The following TMEM255A variants were observed in gnomAD, a reference collection of about 807,000 sequenced individuals.
TMEM255A encodes the protein family with sequence similarity 70, member A.
TMEM255A carries 14 observed loss-of-function variants against 23.5 expected under a neutral mutation model. The observed-to-expected ratio is 0.60, with a 90% confidence interval of 0.39 to 0.93. The LOEUF is 0.93. TMEM255A is among the 40% of genes least tolerant of loss of function. The pLI is 0.00. For missense variants in TMEM255A, 233 were observed against 261.7 expected (o/e 0.89, Z 0.76); for synonymous variants, 104 against 100.3 (o/e 1.04, Z -0.22).
At chrX:120,277,187 A>C in intron 6 of TMEM255A, 140 bp from the exon 7 acceptor site, 1 of 457,971 alleles carries the variant, frequency 2.2e-6, no homozygotes, top group Non-Finnish European at 3.7e-6. Context: ...AGTAAGAGAC[A>C]TCATAGCCAT....
At chrX:120,304,108 G>A (rs2058049074) in intron 2 of TMEM255A, among the ~76,000 whole-genome samples, 1 of 111,622 alleles carries the variant, frequency 9.0e-6, no homozygotes, top group Non-Finnish European at 1.9e-5. Flanking sequence ...GTATTAAAGA[G>A]TGAGATGACT....
intron 7 of TMEM255A, among the ~76,000 whole-genome samples, chrX:120,269,210 G>A (rs188083694): frequency 9.0e-6 from 1 of 110,873 alleles, no homozygotes; most frequent in East Asian, 2.8e-4. Flanking sequence ...AGCCCTTCAA[G>A]GGTTAAAGCT....
intron 1 of TMEM255A, among the ~76,000 whole-genome samples, chrX:120,306,101 G>A (rs183801444): frequency 9.0e-6 from 1 of 111,697 alleles, no homozygotes; most frequent in Admixed American, 9.5e-5. Flanking sequence ...AGAAGAGTTG[G>A]CAAATGAGAC....
chrX:120,309,617 C>G, intron 1 of TMEM255A, among the ~76,000 whole-genome samples: 1 of 112,890 alleles, frequency 8.9e-6, no homozygotes, highest in East Asian at 2.8e-4. Context: ...GTCGGGGAGC[C>G]AGGGCTGCGT....
chrX:120,263,463 C>T (rs2057693910), intron 8 of TMEM255A, among the ~76,000 whole-genome samples: 1 of 111,830 alleles, frequency 8.9e-6, no homozygotes, highest in Non-Finnish European at 1.9e-5. Context: ...TGGCTTTCCT[C>T]TTCCACCTTA....
intron 6 of TMEM255A, 54 bp downstream of exon 6, chrX:120,285,073 C>T (rs1352384168): frequency 2.0e-6 from 2 of 1,023,768 alleles, no homozygotes; most frequent in Non-Finnish European, 2.8e-6. Context: ...CTCAGCCCTT[C>T]TAGTGTCCGT....
chrX:120,278,419 A>T (rs5956198), intron 6 of TMEM255A, among the ~76,000 whole-genome samples: 10,955 of 112,184 alleles, frequency 0.098, 1,313 homozygotes, highest in African/African-American at 0.34. Context: ...TATGAAAATA[A>T]CTTACTGATG....
chrX:120,285,319 G>T (rs889653283), intron 5 of TMEM255A, 104 bp from the exon 6 acceptor site: 1 of 759,538 alleles, frequency 1.3e-6, no homozygotes, highest in Non-Finnish European at 2.0e-6. Flanking sequence ...AGTAAGGATG[G>T]CTTTGAAATG....
intron 8 of TMEM255A, among the ~76,000 whole-genome samples, 162 bp downstream of exon 8, chrX:120,268,082 C>T (rs782074207): frequency 9.0e-6 from 1 of 111,674 alleles, no homozygotes; most frequent in East Asian, 2.8e-4. Context: ...CTACATAGTC[C>T]TTAAGCTGGC....
intron 8 of TMEM255A, among the ~76,000 whole-genome samples, chrX:120,265,242 A>G (rs11260237): frequency 0.36 from 40,249 of 111,127 alleles, 5,603 homozygotes; most frequent in East Asian, 0.56. Flanking sequence ...TTGGTGAGCA[A>G]AAGAAAGCTA....
chrX:120,268,536 T>C lies in TMEM255A; in HGVS notation c.676-149A>G, dbSNP rs1395568145. ...TTTAGAGAAGGTTGTCCAGGATATA[T>C]TTTTATGTTTTAAAAGCCATTATGT... On this transcript the variant is annotated intron_variant, in intron 7 of 8. Transcript: ENST00000371369. 7.5e-6 allele frequency: 3 copies of C among 400,764 alleles called. No homozygotes were observed. In the African/African-American group the frequency reaches 7.8e-5, roughly 10 times the overall value. 33.0% of individuals were successfully genotyped at this position (400,764 alleles called of 1,213,427 possible). A position where few individuals can be genotyped will look rare whatever the true frequency, so the allele number is the denominator to read the frequency against.
intron 2 of TMEM255A, among the ~76,000 whole-genome samples, chrX:120,303,062 T>A (rs2058042926): frequency 9.0e-6 from 1 of 111,724 alleles, no homozygotes; most frequent in East Asian, 2.8e-4. Context: ...AATTGGTGTT[T>A]AAAATATGAT....
chrX:120,253,440 G>A, the TMEM255A span: 2 of 1,210,421 alleles, frequency 1.7e-6, no homozygotes, highest in Non-Finnish European at 2.2e-6. Flanking sequence ...ACTGATTTCT[G>A]CTACAGACAT....
chrX:120,278,287 G>A (rs72607679), intron 6 of TMEM255A, among the ~76,000 whole-genome samples: 14,886 of 111,452 alleles, frequency 0.13, 777 homozygotes, highest in East Asian at 0.25. Context: ...CCAGCCTCCA[G>A]AAATGAGAGA....
At chrX:120,302,479 G>T in intron 2 of TMEM255A, among the ~76,000 whole-genome samples, 1 of 108,181 alleles carries the variant, frequency 9.2e-6, no homozygotes, top group South Asian at 4.1e-4. Context: ...TACCCCCTCT[G>T]TTCCTCCCTG....
intron 4 of TMEM255A, among the ~76,000 whole-genome samples, chrX:120,288,215 T>A (rs1458113447): frequency 6.2e-5 from 7 of 112,188 alleles, no homozygotes; most frequent in Non-Finnish European, 1.3e-4. Context: ...ACATGTGATT[T>A]AGCGTCTTTT....
chrX:120,281,533 C>T (rs942053810), intron 6 of TMEM255A, among the ~76,000 whole-genome samples: 3 of 112,392 alleles, frequency 2.7e-5, no homozygotes, highest in Non-Finnish European at 5.6e-5. Context: ...TCTGCATATA[C>T]GTTTAAGTCC....
chrX:120,287,305 G>A (rs868971282), intron 4 of TMEM255A, 83 bp from the exon 5 acceptor site: 1 of 385,718 alleles, frequency 2.6e-6, no homozygotes, highest in African/African-American at 6.9e-5. Flanking sequence ...TAAAAGGTTT[G>A]AATACACACA....
chrX:120,267,769 A>C (rs2057726742), intron 8 of TMEM255A, among the ~76,000 whole-genome samples: 1 of 111,797 alleles, frequency 8.9e-6, no homozygotes, highest in African/African-American at 3.2e-5. Flanking sequence ...GAGAAAAAGA[A>C]TGGGACTTCT....
Sources: gnomAD v4.1 joint callset for allele counts (sites outside exome capture counted in the v4.1 genomes callset) on GRCh38, gnomAD v4.1.1 for gene constraint, MANE v1.5 for transcripts, NCBI Gene and HGNC (gene_info 2026-07-23, HGNC 2026-07-21) for gene names.